Variants in A2M observed in about 807,000 individuals in gnomAD.
A2M encodes C3 and PZP-like alpha-2-macroglobulin domain-containing protein 5.
A neutral mutation model predicts 183.9 loss-of-function variants in A2M; 128 were observed. The ratio of observed to expected loss-of-function variants is 0.70; its 90% CI spans 0.60 to 0.81. A2M has a LOEUF of 0.81. Ranked by LOEUF, A2M falls within the 30% of genes least tolerant of loss-of-function variation. The probability of loss-of-function intolerance (pLI) is 0.00; values close to 1 mark genes in which losing one functional copy is unlikely to be tolerated. For missense variants in A2M, 1,495 were observed against 1,787.6 expected, an observed-to-expected ratio of 0.84 and a Z score of 2.95; for synonymous variants, 592 against 670.8, an observed-to-expected ratio of 0.88 and a Z score of 1.81.
chr12:9,108,787 A>G (rs1004663197), intron 7 of A2M, among the ~76,000 whole-genome samples: 26 of 152,198 alleles, frequency 1.7e-4, no homozygotes, highest in African/African-American at 5.8e-4. Flanking sequence ...TAAAAATGTC[A>G]GTGCAGACAG....
intron 4 of A2M, chr12:9,111,552 A>C (rs1938729483): frequency 4.4e-6 from 2 of 456,396 alleles, no homozygotes; most frequent in Non-Finnish European, 8.8e-6. Flanking sequence ...TTTCCAGTGA[A>C]GTGGATGTGG....
At chr12:9,112,566 A>G in intron 2 of A2M, 30 bp from the exon 3 acceptor site, 6 of 1,612,278 alleles carry the variant, frequency 3.7e-6, no homozygotes, top group Non-Finnish European at 5.1e-6. Context: ...CTGAAACCCC[A>G]TTCAGCACCC....
chr12:9,078,850 T>C (rs1199624971), intron 25 of A2M, among the ~76,000 whole-genome samples: 1 of 152,214 alleles, frequency 6.6e-6, no homozygotes, highest in Non-Finnish European at 1.5e-5. Flanking sequence ...TTTCCTCTTA[T>C]TAATGAATTC....
chr12:9,113,916 A>T (rs1938932658), intron 1 of A2M, among the ~76,000 whole-genome samples: 1 of 152,258 alleles, frequency 6.6e-6, no homozygotes, highest in Admixed American at 6.5e-5. Flanking sequence ...AGTCATGCGG[A>T]CATTACAAAA....
chr12:9,071,432 AT>A lies in A2M; in HGVS notation c.4104-855del, dbSNP rs113018799. Among the ~76,000 whole-genome samples the A allele has an allele frequency of 5.0e-4, 75 of 151,326 alleles. No homozygotes were observed. In the East Asian group the frequency reaches 5.8e-3, roughly 12 times the overall value. ...ATATACACCAAATTAAATGAAAAAA[AT>A]ATATATATATATACTTAACTTTTAG... is the stretch of plus-strand genomic sequence containing the variant. On this transcript the variant is annotated intron_variant, in intron 31 of 35. Transcript: ENST00000318602.
chr12:9,106,650 A>G (rs1253948991), intron 8 of A2M, 45 bp from the exon 9 acceptor site: 3 of 1,006,762 alleles, frequency 3.0e-6, no homozygotes, highest in Non-Finnish European at 4.5e-6. Flanking sequence ...TGCATATTAT[A>G]CTAAATAGAT....
intron 34 of A2M, 67 bp downstream of exon 34, chr12:9,068,673 A>T: frequency 7.9e-7 from 1 of 1,273,076 alleles, no homozygotes; most frequent in Non-Finnish European, 1.1e-6. Flanking sequence ...ACCCCAACAC[A>T]TCTCCTAAAC....
rs756165676 is a variant in A2M, at chr12:9,068,230, A to G, written c.4367-6T>C. On this transcript the variant is annotated splice_polypyrimidine_tract_variant and splice_region_variant and intron_variant, in intron 34 of 35. Transcript: ENST00000318602. ...CTCAGCAATTGCAAACTCATCTGAAAAAAAAAAAACCAACAAAAAACCAGA... is the reference window on the plus strand; with the variant it reads ...CTCAGCAATTGCAAACTCATCTGAAGAAAAAAAAACCAACAAAAAACCAGA... The G allele has an allele frequency of 2.0e-4, 317 of 1,604,790 alleles. 1 individual carries two copies. The Middle Eastern group carries it at 2.6e-3, about 13-fold the overall frequency.
At chr12:9,112,275 A>G (rs1938792172) in intron 3 of A2M, 64 bp from the exon 4 acceptor site, 1 of 1,608,380 alleles carries the variant, frequency 6.2e-7, no homozygotes, top group Non-Finnish European at 8.5e-7. Flanking sequence ...TGGTAAGACA[A>G]GCTATTAAGG....
rs369199005 is a variant in A2M, at chr12:9,068,227, G to GAAA, written c.4367-6_4367-4dup. ...GTACTCAGCAATTGCAAACTCATCT[G>GAAA]AAAAAAAAAAAACCAACAAAAAACC... On this transcript the variant is annotated splice_polypyrimidine_tract_variant and splice_region_variant and intron_variant, in intron 34 of 35. Transcript: ENST00000318602. 3.1e-6 allele frequency: 4 copies of GAAA among 1,305,638 alleles called. No individual in the cohort carries two copies. Among genetic ancestry groups the GAAA allele is most frequent in the Admixed American group, 4.1e-5 (2 of 49,236 alleles). The allele number at this position is 1,305,638 out of a possible 1,614,324, so 80.9% of individuals were successfully genotyped here. A position where few individuals can be genotyped will look rare whatever the true frequency, so the allele number is the denominator to read the frequency against.
chr12:9,068,314 A>C, intron 34 of A2M, 90 bp from the exon 35 acceptor site: 2 of 1,374,320 alleles, frequency 1.5e-6, no homozygotes, highest in Non-Finnish European at 2.0e-6. Flanking sequence ...CCAAGGAAGG[A>C]GTTTGTTGTG....
At chr12:9,075,553 G>A (rs932350092) in intron 28 of A2M, among the ~76,000 whole-genome samples, 1 of 152,186 alleles carries the variant, frequency 6.6e-6, no homozygotes, top group Admixed American at 6.5e-5. Flanking sequence ...GCACATACTT[G>A]TATAGGGGTC....
chr12:9,101,420 A>G lies in A2M; in HGVS notation c.1494+27T>C, dbSNP rs765965950. On this transcript the variant is annotated intron_variant, in intron 12 of 35. Transcript: ENST00000318602. ...CACAGAGAGCTTTTGTCTACAGTGA[A>G]GTCAACGCAGTAACCTCCCTTCTCA... The G allele has an allele frequency of 1.9e-6, 3 of 1,579,144 alleles. No individual in the cohort carries two copies. The South Asian group carries it at 3.4e-5, about 18-fold the overall frequency.
intron 22 of A2M, among the ~76,000 whole-genome samples, chr12:9,084,138 A>G (rs1431391297): frequency 6.6e-6 from 1 of 152,144 alleles, no homozygotes; most frequent in Non-Finnish European, 1.5e-5. Flanking sequence ...TCCCAGACAA[A>G]CTAAAAGCTA....
rs761252295 is a variant in A2M, at chr12:9,095,022, A to T, written c.2076T>A (p.Leu692=). ...CAGGTCCATGCATTTCATACTGTTG[A>T]AGCTGTGGACACATTTTGGGTTTAC... The part of the protein sequence containing the change: ...KIRKPKMCPQ[L]QQYEMHGPEG... Residue 692 remains leucine, a synonymous_variant, in exon 17 of 36, where the codon CTT becomes CTA. Transcript: ENST00000318602. 6.3e-7 allele frequency: 1 copy of T among 1,596,696 alleles called. No homozygotes were observed. The highest frequency in any genetic ancestry group is 1.3e-5 in the African/African-American group (1 of 74,690).
chr12:9,087,580 A>T (rs1362176194), intron 22 of A2M, among the ~76,000 whole-genome samples: 1 of 152,094 alleles, frequency 6.6e-6, no homozygotes, highest in Non-Finnish European at 1.5e-5. Flanking sequence ...TCTTTTTGGG[A>T]TCTATTGCAC....
intron 11 of A2M, among the ~76,000 whole-genome samples, chr12:9,102,470 C>A (rs1937950013): frequency 6.6e-6 from 1 of 152,204 alleles, no homozygotes; most frequent in African/African-American, 2.4e-5. Flanking sequence ...CCCACCTCAG[C>A]CTCCCAAAGT....
rs1949156747 is a variant in A2M at position 9,089,907 on chromosome 12, C to A, written c.2713G>T (p.Val905Phe). Residue 905 changes from valine (V) to phenylalanine (F), a missense_variant, in exon 21 of 36, where the codon GTT becomes TTT. Coordinates refer to ENST00000318602, the MANE Select transcript of A2M (RefSeq NM_000014.6). ...TATTATTTAGGTTTACTTACTTCAA[C>A]CAACAGAGGCTTGATGACTGTGTCT... ...RKDTVIKPLL[V>F]EPEGLEKETT... The A allele has an allele frequency of 2.5e-6, 4 of 1,608,736 alleles. No homozygotes were observed. Among genetic ancestry groups the A allele is most frequent in the East Asian group, 4.5e-5 (2 of 44,766 alleles).
intron 11 of A2M, among the ~76,000 whole-genome samples, chr12:9,102,088 T>C (rs993210452): frequency 2.6e-5 from 4 of 152,168 alleles, no homozygotes; most frequent in African/African-American, 9.7e-5. Flanking sequence ...TTTGAATGGG[T>C]ATTATGAATA....
Sources: gnomAD v4.1 joint callset for allele counts (sites outside exome capture counted in the v4.1 genomes callset) on GRCh38, gnomAD v4.1.1 for gene constraint, MANE v1.5 for transcripts, NCBI Gene and HGNC (gene_info 2026-07-23, HGNC 2026-07-21) for gene names.